THOP1: variants seen among roughly 807,000 people sequenced by gnomAD.
THOP1 encodes the protein thimet oligopeptidase.
In THOP1, 49 loss-of-function variants were observed where a neutral mutation model predicts 71.8. The ratio of observed to expected loss-of-function variants is 0.68; its 90% confidence interval spans 0.54 to 0.87. The LOEUF is 0.87. Among genes scored for constraint, THOP1 ranks in the 40% least tolerant of loss-of-function variants. The probability of loss-of-function intolerance (pLI) is 0.00; values close to 1 mark genes in which losing one functional copy is unlikely to be tolerated. For synonymous variants in THOP1, 426 were observed against 421.5 expected (o/e 1.01, Z -0.13); for missense variants, 843 against 975.6 (o/e 0.86, Z 1.81).
chr19:2,785,649 CAG>C lies in THOP1; in HGVS notation c.-12_-11del. 1 of 1,489,552 alleles carries C rather than the reference CAG, an allele frequency of 6.7e-7. No individual in the cohort carries two copies. The highest frequency in any genetic ancestry group is 1.3e-5 in the South Asian group (1 of 75,670). 92.3% of individuals were successfully genotyped at this position (1,489,552 alleles called of 1,614,324 possible). A position where few individuals can be genotyped will look rare whatever the true frequency, so the allele number is the denominator to read the frequency against. Reference sequence around the variant, plus strand: ...GGAAGGAGGGAGGGAGCCGCAGGCGCAGACCCACCCGCCATGAAGCCCCCCGC... The same window carrying C: ...GGAAGGAGGGAGGGAGCCGCAGGCGCACCCACCCGCCATGAAGCCCCCCGC... On this transcript the variant is annotated 5_prime_UTR_variant, in exon 1 of 13. Transcript: ENST00000307741.
intron 2 of THOP1, among the ~76,000 whole-genome samples, chr19:2,792,279 G>A (rs1451064374): frequency 1.3e-5 from 2 of 152,100 alleles, no homozygotes; most frequent in South Asian, 4.1e-4. Context: ...GGCTGCTGTA[G>A]TGCAGTAGTG....
chr19:2,800,765 C>T (rs1916125886), intron 5 of THOP1, among the ~76,000 whole-genome samples: 1 of 152,096 alleles, frequency 6.6e-6, no homozygotes, highest in South Asian at 2.1e-4. Context: ...CTACAATCTG[C>T]CGTAAAGCAC....
intron 4 of THOP1, 24 bp from the exon 5 acceptor site, chr19:2,799,665 C>G (rs1411850471): frequency 3.1e-6 from 5 of 1,603,636 alleles, no homozygotes; most frequent in Non-Finnish European, 3.4e-6. Flanking sequence ...TCTCCCTCCC[C>G]TCACGCCCCG....
chr19:2,785,575 G>C lies in THOP1; in HGVS notation c.-88G>C. 7.0e-7 allele frequency: 1 copy of C among 1,432,418 alleles called. No individual in the cohort carries two copies. 88.7% of individuals were successfully genotyped at this position (1,432,418 alleles called of 1,614,324 possible). On this transcript the variant is annotated 5_prime_UTR_variant, in exon 1 of 13. Coordinates refer to ENST00000307741, the MANE Select transcript of THOP1 (RefSeq NM_003249.5). The stretch of plus-strand genomic sequence containing the variant: ...CCGTGGCGGCGGTGGCGGCGGTTGG[G>C]CCGAGGCAGGCGGCCTCAGTGGCCG...
chr19:2,791,491 A>T (rs988978838), intron 2 of THOP1, among the ~76,000 whole-genome samples: 2 of 152,170 alleles, frequency 1.3e-5, no homozygotes, highest in Non-Finnish European at 2.9e-5. Context: ...CAGGGGCTGG[A>T]GGGAGGGCTG....
chr19:2,796,116 T>C lies in THOP1; in HGVS notation c.414T>C (p.Ala138=). 1 of 1,613,974 alleles carries C rather than the reference T, an allele frequency of 6.2e-7. No homozygotes were observed. The highest frequency in any genetic ancestry group is 8.5e-7 in the Non-Finnish European group (1 of 1,179,990). ...KVQKDSLRPE[A]ARYLERLIKL... ...AGAAGGACTCACTGAGGCCCGAGGC[T>C]GCGCGGTACCTGGAGCGGCTAATCA... Residue 138 remains alanine, a synonymous_variant, in exon 4 of 13, where the codon GCT becomes GCC. Coordinates refer to ENST00000307741, the MANE Select transcript of THOP1 (RefSeq NM_003249.5).
chr19:2,810,224 T>C, intron 9 of THOP1, 80 bp from the exon 10 acceptor site: 1 of 1,515,490 alleles, frequency 6.6e-7, no homozygotes, highest in East Asian at 2.3e-5. Flanking sequence ...GTTTGCACTG[T>C]GGCAGCTGAC....
Position 2,810,485 on chromosome 19 carries a change from A to G in THOP1, c.1637A>G (p.Asn546Ser). ...LEKLIESRQA[N>S]TGLFNLRQIV... ...AAGCTCATTGAGTCCCGGCAGGCCA[A>G]CACAGGTGCACCCGCCCCGTCCGGG... Residue 546 changes from asparagine to serine, a missense_variant, in exon 10 of 13, where the codon AAC (asparagine) becomes AGC (serine). Coordinates refer to ENST00000307741, the MANE Select transcript of THOP1 (RefSeq NM_003249.5). 1 of 1,553,256 alleles carries G rather than the reference A, an allele frequency of 6.4e-7. No individual in the cohort carries two copies. The highest frequency in any genetic ancestry group is 8.7e-7 in the Non-Finnish European group (1 of 1,148,842).
At chr19:2,786,358 G>T (rs1915741928) in intron 1 of THOP1, among the ~76,000 whole-genome samples, 2 of 152,094 alleles carry the variant, frequency 1.3e-5, no homozygotes, top group East Asian at 1.9e-4. Context: ...CAATCCTCCC[G>T]CCTCAGCCAC....
intron 4 of THOP1, among the ~76,000 whole-genome samples, chr19:2,799,307 A>G (rs1367367003): frequency 1.3e-5 from 2 of 152,238 alleles, no homozygotes; most frequent in Admixed American, 6.5e-5. Context: ...CCTGGGCAAC[A>G]GAGCGAGTCC....
intron 5 of THOP1, among the ~76,000 whole-genome samples, 185 bp downstream of exon 5, chr19:2,799,976 G>A (rs1038151726): frequency 1.8e-4 from 27 of 152,320 alleles, no homozygotes; most frequent in African/African-American, 9.6e-5. Context: ...CTCCAGGGCC[G>A]TTTACAGCCA....
In THOP1 at chr19:2,800,275, C is replaced by T. The variant is rs1011945229; in HGVS notation, c.589+484C>T. Among the ~76,000 whole-genome samples, 9 of 152,128 alleles carry T rather than the reference C, an allele frequency of 5.9e-5. No homozygotes were observed. In the East Asian group the frequency reaches 1.7e-3, roughly 29 times the overall value. ...ACCTCCACTCACTGCAACCTCCGTC[C>T]CCCGGGTTCAAGTGATTCTCCTGTC... On this transcript the variant is annotated intron_variant, in intron 5 of 12. Coordinates refer to ENST00000307741, the MANE Select transcript of THOP1 (RefSeq NM_003249.5).
intron 5 of THOP1, among the ~76,000 whole-genome samples, chr19:2,803,417 G>A (rs146622114): frequency 3.3e-5 from 5 of 152,184 alleles, no homozygotes; most frequent in East Asian, 3.8e-4. Flanking sequence ...CACAGTGAAC[G>A]TGAACTATGC....
chr19:2,807,936 C>T (rs1192003878), intron 8 of THOP1, 128 bp downstream of exon 8: 23 of 1,139,620 alleles, frequency 2.0e-5, no homozygotes, highest in Admixed American at 6.3e-5. Context: ...AACCCCGAGA[C>T]GTAGCACCCG....
intron 4 of THOP1, among the ~76,000 whole-genome samples, chr19:2,798,640 TC>T (rs2144767063): frequency 6.6e-6 from 1 of 152,348 alleles, no homozygotes; most frequent in South Asian, 2.1e-4. Flanking sequence ...TGGGGCCTGT[TC>T]CCAGGAGAGG....
Position 2,810,333 on chromosome 19 carries a change from C to T in THOP1, c.1485C>T (p.His495=), listed in dbSNP as rs1916426058. 5 of 1,611,640 alleles carry T rather than the reference C, an allele frequency of 3.1e-6. No homozygotes were observed. The highest frequency in any genetic ancestry group is 1.3e-5 in the African/African-American group (1 of 74,894). ...AGTTCGCCATGTTCAGCGGGACCCA[C>T]GTGGAGCGGGACTTTGTGGAGGCGC... is the stretch of plus-strand genomic sequence containing the variant. ...QAEFAMFSGT[H]VERDFVEAPS... is the part of the protein sequence containing the mutation. Residue 495 remains histidine (H), a synonymous_variant, in exon 10 of 13, where the codon CAC becomes CAT. Coordinates refer to ENST00000307741, the MANE Select transcript of THOP1 (RefSeq NM_003249.5).
rs1176434515 is a variant in THOP1 at position 2,805,198 on chromosome 19, G to C, written c.750+22G>C. On this transcript the variant is annotated intron_variant, in intron 6 of 12. Coordinates refer to ENST00000307741, the MANE Select transcript of THOP1 (RefSeq NM_003249.5). The surrounding 1 kb of genome is among the most constrained non-coding windows in gnomAD (Gnocchi z 6.6). ...GGAGGTGAGAAGGCACGGCCAGGGG[G>C]CCCCAGAACAGTGGGTCTGGAGCTT... 6.2e-7 allele frequency: 1 copy of C among 1,602,152 alleles called. No individual in the cohort carries two copies. Among genetic ancestry groups the C allele is most frequent in the Admixed American group, 1.7e-5 (1 of 58,868 alleles).
At position 2,785,688 on chromosome 19, in the gene THOP1, ACCCCGCTCG is replaced by A; in HGVS notation, c.16+13_16+21del. 1 of 1,456,278 alleles carries A rather than the reference ACCCCGCTCG, an allele frequency of 6.9e-7. No individual in the cohort carries two copies. Among genetic ancestry groups the A allele is most frequent in the Non-Finnish European group, 9.1e-7 (1 of 1,099,414 alleles). The allele number at this position is 1,456,278 out of a possible 1,614,324, so 90.2% of individuals were successfully genotyped here. Reference sequence around the variant, plus strand: ...ATGAAGCCCCCCGCAGGTACCGACTACCCCGCTCGCCGGACCCGGGCGTCCCCTGCACCC... The same window carrying A: ...ATGAAGCCCCCCGCAGGTACCGACTACCGGACCCGGGCGTCCCCTGCACCC... On this transcript the variant is annotated intron_variant, in intron 1 of 12. Transcript: ENST00000307741.
At chr19:2,793,532 A>C (rs1035191940) in intron 2 of THOP1, among the ~76,000 whole-genome samples, 15 of 152,002 alleles carry the variant, frequency 9.9e-5, no homozygotes, top group Admixed American at 7.2e-4. Flanking sequence ...TCTACTAAAA[A>C]TACAAAAATT....
Sources: gnomAD v4.1 joint callset for allele counts (sites outside exome capture counted in the v4.1 genomes callset) on GRCh38, gnomAD v4.1.1 for gene constraint, Gnocchi (gnomAD v3.1) non-coding constraint, MANE v1.5 for transcripts, NCBI Gene and HGNC (gene_info 2026-07-23, HGNC 2026-07-21) for gene names.